The following CHST11 variants were observed in gnomAD, a reference collection of about 807,000 sequenced individuals.
The protein encoded by CHST11 is C4S-1.
CHST11 carries 9 observed loss-of-function variants against 30.4 expected under a neutral mutation model. That is an observed-to-expected ratio of 0.30 (90% CI 0.18 to 0.52). The LOEUF is 0.52. CHST11 is among the 20% of genes least tolerant of loss of function. The probability of loss-of-function intolerance (pLI) is 0.97; values close to 1 mark genes in which losing one functional copy is unlikely to be tolerated. For missense variants in CHST11, 348 were observed against 460.6 expected (o/e 0.76, Z 2.24); for synonymous variants, 152 against 187.8 (o/e 0.81, Z 1.56).
intron 1 of CHST11, among the ~76,000 whole-genome samples, chr12:104,476,990 T>G (rs1244041040): frequency 6.6e-6 from 1 of 152,114 alleles, no homozygotes; most frequent in Non-Finnish European, 1.5e-5. Flanking sequence ...AGGTTTCACT[T>G]GATCTGGGAA....
chr12:104,711,210 A>G (rs17036237), intron 2 of CHST11, among the ~76,000 whole-genome samples: 6,462 of 152,216 alleles, frequency 0.042, 389 homozygotes, highest in East Asian at 0.24. Flanking sequence ...GCTTTTTTAA[A>G]TGTCCCTTTT....
chr12:104,664,135 C>T (rs2039621521), intron 2 of CHST11, among the ~76,000 whole-genome samples: 1 of 152,126 alleles, frequency 6.6e-6, no homozygotes, highest in African/African-American at 2.4e-5. Flanking sequence ...AACTGTATAT[C>T]ACCTCTCTTC....
chr12:104,547,935 G>C (rs2038366914), intron 1 of CHST11, among the ~76,000 whole-genome samples: 1 of 152,198 alleles, frequency 6.6e-6, no homozygotes, highest in South Asian at 2.1e-4. Flanking sequence ...AGAGTGTGAA[G>C]GGGAAAAGTT....
intron 2 of CHST11, among the ~76,000 whole-genome samples, chr12:104,666,390 G>T (rs952400463): frequency 6.6e-6 from 1 of 152,116 alleles, no homozygotes; most frequent in Non-Finnish European, 1.5e-5. Flanking sequence ...AGAAGATTGG[G>T]GTTATTGTGA....
chr12:104,737,398 T>G (rs1466626647), intron 2 of CHST11, among the ~76,000 whole-genome samples: 1 of 152,244 alleles, frequency 6.6e-6, no homozygotes, highest in Non-Finnish European at 1.5e-5. Flanking sequence ...CCTCTGAGCC[T>G]CAGTTGACTC....
At chr12:104,632,501 T>C (rs1431482308) in intron 2 of CHST11, among the ~76,000 whole-genome samples, 1 of 152,178 alleles carries the variant, frequency 6.6e-6, no homozygotes, top group East Asian at 1.9e-4. Context: ...CACTAGGTGT[T>C]AGGAGTCCTA....
chr12:104,497,210 A>G (rs543823150), intron 1 of CHST11, among the ~76,000 whole-genome samples: 1 of 152,330 alleles, frequency 6.6e-6, no homozygotes, highest in East Asian at 1.9e-4. Flanking sequence ...CTACATGTGG[A>G]TATGGGGTCT....
At chr12:104,507,711 C>T (rs1185107561) in intron 1 of CHST11, among the ~76,000 whole-genome samples, 1 of 152,210 alleles carries the variant, frequency 6.6e-6, no homozygotes, top group East Asian at 1.9e-4. Context: ...GATGATTTGT[C>T]TCAGCTTCCT....
intron 2 of CHST11, 84 bp downstream of exon 2, chr12:104,602,075 G>A (rs2038962020): frequency 9.8e-7 from 1 of 1,017,916 alleles, no homozygotes; most frequent in Non-Finnish European, 1.5e-6. Context: ...GTGGTCTTTG[G>A]GGGATTTAAA....
chr12:104,679,085 A>G, intron 2 of CHST11, among the ~76,000 whole-genome samples: 1 of 152,164 alleles, frequency 6.6e-6, no homozygotes, highest in East Asian at 1.9e-4. Context: ...GGAGGAGGAA[A>G]GGCCACCAAC....
At chr12:104,699,465 G>A (rs1409086791) in intron 2 of CHST11, among the ~76,000 whole-genome samples, 3 of 151,880 alleles carry the variant, frequency 2.0e-5, no homozygotes, top group Non-Finnish European at 2.9e-5. Context: ...TTTTGCTTTC[G>A]AAGGTGGCTG....
At chr12:104,501,772 C>A (rs530046350) in intron 1 of CHST11, among the ~76,000 whole-genome samples, 1 of 152,160 alleles carries the variant, frequency 6.6e-6, no homozygotes. Flanking sequence ...AAGGAGTCAG[C>A]CTCTCTCTAG....
intron 1 of CHST11, among the ~76,000 whole-genome samples, chr12:104,513,360 T>C (rs2037989164): frequency 6.6e-6 from 1 of 152,310 alleles, no homozygotes; most frequent in Non-Finnish European, 1.5e-5. Flanking sequence ...ACTTCTCAGA[T>C]TTGGGAGGTA....
In CHST11 at chr12:104,457,397, A is replaced by C; in HGVS notation, c.-15A>C. 3 of 1,600,418 alleles carry C rather than the reference A, an allele frequency of 1.9e-6. No homozygotes were observed. Among genetic ancestry groups the C allele is most frequent in the Non-Finnish European group, 2.6e-6 (3 of 1,168,286 alleles). Reference sequence around the variant, plus strand: ...GCTTCCCGGACACCCCGGTCCCCGCAGCCAGGACAAAGCCATGAAGCCAGC... The same window carrying C: ...GCTTCCCGGACACCCCGGTCCCCGCCGCCAGGACAAAGCCATGAAGCCAGC... On this transcript the variant is annotated 5_prime_UTR_variant, in exon 1 of 3. Coordinates refer to ENST00000303694, the MANE Select transcript of CHST11 (RefSeq NM_018413.6).
At chr12:104,555,460 C>A (rs1042270251) in intron 1 of CHST11, among the ~76,000 whole-genome samples, 8 of 152,198 alleles carry the variant, frequency 5.3e-5, no homozygotes, top group South Asian at 2.1e-4. Context: ...GAGGCACACA[C>A]CTTTCCTTTT....
At chr12:104,644,623 C>A (rs1020065530) in intron 2 of CHST11, among the ~76,000 whole-genome samples, 3 of 152,226 alleles carry the variant, frequency 2.0e-5, no homozygotes, top group Non-Finnish European at 4.4e-5. Context: ...ACTGGGGAGG[C>A]GATGAAGAGG....
At chr12:104,624,142 C>G (rs1202017997) in intron 2 of CHST11, among the ~76,000 whole-genome samples, 1 of 152,158 alleles carries the variant, frequency 6.6e-6, no homozygotes, top group Non-Finnish European at 1.5e-5. Context: ...AATTATGCAG[C>G]TCATTAAGAT....
At chr12:104,523,110 A>C (rs1435675860) in intron 1 of CHST11, among the ~76,000 whole-genome samples, 1 of 152,242 alleles carries the variant, frequency 6.6e-6, no homozygotes, top group Non-Finnish European at 1.5e-5. Flanking sequence ...AAAGACAACC[A>C]GATTATATCT....
At chr12:104,616,490 G>T (rs1462302654) in intron 2 of CHST11, among the ~76,000 whole-genome samples, 2 of 150,770 alleles carry the variant, frequency 1.3e-5, no homozygotes, top group African/African-American at 2.4e-5. Context: ...TTTTGAGACG[G>T]AGTCTCACTC....
Sources: allele counts gnomAD v4.1 joint callset (sites outside exome capture counted in the v4.1 genomes callset), GRCh38; gene constraint gnomAD v4.1.1; transcripts MANE v1.5; gene names NCBI Gene and HGNC (gene_info 2026-07-23, HGNC 2026-07-21).